VRTN: variants seen among roughly 807,000 people sequenced by gnomAD.
VRTN encodes the protein vertnin.
VRTN carries 5 observed loss-of-function variants against 18.2 expected under a neutral mutation model. The observed-to-expected ratio is 0.27, with a 90% confidence interval of 0.14 to 0.58. The LOEUF (loss-of-function observed/expected upper bound fraction) is 0.58. Among genes scored for constraint, VRTN ranks in the 20% least tolerant of loss-of-function variants. The probability of loss-of-function intolerance (pLI) is 0.91; values close to 1 mark genes in which losing one functional copy is unlikely to be tolerated. For synonymous variants in VRTN, 381 were observed against 393.7 expected (o/e 0.97, Z 0.38); for missense variants, 741 against 939.4 (o/e 0.79, Z 2.76).
chr14:74,316,520 A>G (rs1330587341), intron 1 of VRTN, among the ~76,000 whole-genome samples: 1 of 151,844 alleles, frequency 6.6e-6, no homozygotes, highest in Non-Finnish European at 1.5e-5. Flanking sequence ...AAACAAACAA[A>G]CAAACAAATG....
At chr14:74,321,654 G>A (rs552538939) in intron 1 of VRTN, among the ~76,000 whole-genome samples, 6 of 150,942 alleles carry the variant, frequency 4.0e-5, no homozygotes, top group East Asian at 2.0e-4. Flanking sequence ...ACAGGCATGC[G>A]CCACCATGCC....
In VRTN at chr14:74,359,030, G is replaced by A. The variant is rs879465999; in HGVS notation, c.*138G>A. Reference sequence around the variant, plus strand: ...CTACCCTAAGTCCAAGGGTATATTTGTGTTATTTTCTGGCTCCAGGACAGA... The same window carrying A: ...CTACCCTAAGTCCAAGGGTATATTTATGTTATTTTCTGGCTCCAGGACAGA... On this transcript the variant is annotated 3_prime_UTR_variant, in exon 2 of 2. Transcript: ENST00000256362. 4.1e-5 allele frequency: 58 copies of A among 1,400,654 alleles called. No homozygotes were observed. Among genetic ancestry groups the A allele is most frequent in the Admixed American group, 2.4e-4 (8 of 33,992 alleles). The allele number at this position is 1,400,654 out of a possible 1,614,324, so 86.8% of individuals were successfully genotyped here.
intron 1 of VRTN, among the ~76,000 whole-genome samples, chr14:74,307,475 C>T (rs2140190310): frequency 6.6e-6 from 1 of 151,928 alleles, no homozygotes; most frequent in Non-Finnish European, 1.5e-5. Flanking sequence ...TCTTGAAGGC[C>T]AAAAATGACA....
At chr14:74,304,150 C>CT (rs911274775) in intron 1 of VRTN, among the ~76,000 whole-genome samples, 13 of 151,246 alleles carry the variant, frequency 8.6e-5, no homozygotes, top group African/African-American at 2.9e-4. Context: ...CGCTCCTGGC[C>CT]TTTTTTTGTT....
At chr14:74,349,667 C>T (rs1176928230) in intron 1 of VRTN, among the ~76,000 whole-genome samples, 1 of 152,178 alleles carries the variant, frequency 6.6e-6, no homozygotes, top group Non-Finnish European at 1.5e-5. Context: ...CACCCAGATT[C>T]CTGGCTCACT....
chr14:74,359,111 T>C lies in VRTN; in HGVS notation c.*219T>C, dbSNP rs543517860. ...GTAGGAAACTGTGGGACCAGAGATA[T>C]CCTCTTTCGTTGTTTGCTGGTCATA... On this transcript the variant is annotated 3_prime_UTR_variant, in exon 2 of 2. Transcript: ENST00000256362. 60 of 861,596 alleles carry C rather than the reference T, an allele frequency of 7.0e-5. No individual in the cohort carries two copies. In the South Asian group the frequency reaches 7.3e-4, roughly 10 times the overall value. The allele number at this position is 861,596 out of a possible 1,614,324, so 53.4% of individuals were successfully genotyped here.
rs367558909 is a variant in VRTN, at chr14:74,358,318, G to T, written c.1535G>T (p.Arg512Leu). 1.2e-6 allele frequency: 2 copies of T among 1,612,878 alleles called. No individual in the cohort carries two copies. Among genetic ancestry groups the T allele is most frequent in the East Asian group, 4.5e-5 (2 of 44,886 alleles). Residue 512 changes from arginine (R) to leucine (L), a missense_variant, in exon 2 of 2, where the codon CGC becomes CTC. By Grantham distance (102) the Arg-to-Leu change is moderately radical (BLOSUM62 -2). Around this residue, in one of 3 missense-constraint regions of VRTN, gnomAD observed 494 missense variants for 546.5 expected, o/e 0.90. Coordinates refer to ENST00000256362, the MANE Select transcript of VRTN (RefSeq NM_018228.3). The surrounding 1 kb of genome is among the most constrained non-coding windows in gnomAD (Gnocchi z 5.4). ...CTGTCCCGTTGGCAGAGGCGTCTGC[G>T]CAGGGCTGCCCGCAGGCAGGTGCTG... ...MPLSRWQRRLRRAARRQVLSG... is the reference protein window; with the variant it reads ...MPLSRWQRRLLRAARRQVLSG...
chr14:74,331,557 T>A (rs1433561507), intron 1 of VRTN, among the ~76,000 whole-genome samples: 1 of 47,880 alleles, frequency 2.1e-5, no homozygotes, highest in Non-Finnish European at 3.4e-5. Flanking sequence ...TATATATATA[T>A]ATATATATAT....
rs1195617582 is a variant in VRTN at position 74,357,232 on chromosome 14, C to T, written c.449C>T (p.Pro150Leu). ...EESPEMTSLP[P>L]ATLEAIFDAD... is the part of the protein sequence containing the mutation. ...TCCCCTGAGATGACCAGCTTGCCCC[C>T]CGCCACGCTGGAGGCCATCTTCGAT... is the stretch of plus-strand genomic sequence containing the variant. The change falls in exon 2 of 2, where the codon CCC becomes CTC. Residue 150 changes from proline (P) to leucine (L), a missense_variant. By Grantham distance (98) the Pro-to-Leu change is moderately conservative. Transcript: ENST00000256362. The surrounding 1 kb of genome is among the most constrained non-coding windows in gnomAD (Gnocchi z 7.8). 2 of 1,613,102 alleles carry T rather than the reference C, an allele frequency of 1.2e-6. No homozygotes were observed. The highest frequency in any genetic ancestry group is 1.7e-6 in the Non-Finnish European group (2 of 1,179,878).
intron 2 of VRTN, among the ~76,000 whole-genome samples, chr14:74,341,711 C>A (rs1469847406): frequency 6.6e-6 from 1 of 151,974 alleles, no homozygotes. Flanking sequence ...TAGAGATGGG[C>A]TTTCACCATG....
chr14:74,331,767 AC>A lies in VRTN; in HGVS notation c.-163-5955del, dbSNP rs199712544. 2.2e-3 allele frequency among the ~76,000 whole-genome samples: 336 copies of A among 151,510 alleles called. 22 individuals carry two copies. In the East Asian group the frequency reaches 0.06, roughly 27 times the overall value. On this transcript the variant is annotated intron_variant, in intron 1 of 2. Coordinates refer to the VRTN transcript ENST00000557177. ...GTGAAATCTTCACAACATGCCTTTCACGCAGACATTGACATCCTTATTTTAC... is the reference window on the plus strand; with the variant it reads ...GTGAAATCTTCACAACATGCCTTTCAGCAGACATTGACATCCTTATTTTAC...
At chr14:74,325,485 T>C (rs563164503) in intron 1 of VRTN, among the ~76,000 whole-genome samples, 2 of 152,064 alleles carry the variant, frequency 1.3e-5, no homozygotes, top group Non-Finnish European at 2.9e-5. Context: ...GGATAAGAGA[T>C]GAACACAGGT....
intron 1 of VRTN, among the ~76,000 whole-genome samples, chr14:74,335,709 T>G (rs1490804491): frequency 6.6e-6 from 1 of 151,964 alleles, no homozygotes; most frequent in Admixed American, 6.6e-5. Flanking sequence ...TAGGTGTCCT[T>G]AAGCAGTTTC....
Position 74,358,174 on chromosome 14 carries a change from T to C in VRTN, c.1391T>C (p.Leu464Pro). The change falls in exon 2 of 2, where the codon CTA (leucine) becomes CCA (proline). Residue 464 changes from leucine (L) to proline (P), a missense_variant. Coordinates refer to ENST00000256362, the MANE Select transcript of VRTN (RefSeq NM_018228.3). The surrounding 1 kb of genome is among the most constrained non-coding windows in gnomAD (Gnocchi z 5.4). ...CTCTCTGCTGCTGGGACTCCCCAGC[T>C]AGCATCTGTTGGGGAAGGGGCTGTA... ...PALSAAGTPQLASVGEGAVIP... is the reference protein window; with the variant it reads ...PALSAAGTPQPASVGEGAVIP... The C allele has an allele frequency of 6.2e-7, 1 of 1,613,990 alleles. No individual in the cohort carries two copies.
At chr14:74,310,973 G>A (rs1453397759) in intron 1 of VRTN, among the ~76,000 whole-genome samples, 1 of 152,180 alleles carries the variant, frequency 6.6e-6, no homozygotes. Flanking sequence ...TTACAGGCAT[G>A]AGCCACTGCA....
intron 1 of VRTN, among the ~76,000 whole-genome samples, chr14:74,351,039 G>C (rs192781780): frequency 6.6e-6 from 1 of 152,326 alleles, no homozygotes; most frequent in Admixed American, 6.5e-5. Flanking sequence ...GTAAATGGTA[G>C]CTATTTTCCT....
chr14:74,330,772 CG>C (rs1286051920), intron 1 of VRTN, among the ~76,000 whole-genome samples: 4 of 151,934 alleles, frequency 2.6e-5, no homozygotes, highest in Non-Finnish European at 5.9e-5. Flanking sequence ...ACACCTGAGG[CG>C]TTCTAGAAGT....
At chr14:74,355,180 T>C (rs926907545) in intron 1 of VRTN, among the ~76,000 whole-genome samples, 1 of 150,890 alleles carries the variant, frequency 6.6e-6, no homozygotes, top group Non-Finnish European at 1.5e-5. Flanking sequence ...ACTGATCTCA[T>C]CAGAAAAATT....
At chr14:74,327,391 T>C (rs1343018053) in intron 1 of VRTN, among the ~76,000 whole-genome samples, 1 of 152,188 alleles carries the variant, frequency 6.6e-6, no homozygotes, top group African/African-American at 2.4e-5. Flanking sequence ...CAGTCTGCAC[T>C]GTTTACCTGT....
Sources: allele counts gnomAD v4.1 joint callset (sites outside exome capture counted in the v4.1 genomes callset), GRCh38; gene constraint gnomAD v4.1.1; regional missense constraint gnomAD v4.1.1; non-coding constraint Gnocchi (gnomAD v3.1); transcripts MANE v1.5; gene names NCBI Gene and HGNC (gene_info 2026-07-23, HGNC 2026-07-21).